The following DAB1 variants were observed in gnomAD, a reference collection of about 807,000 sequenced individuals.
DAB1 encodes DAB adaptor protein 1, also known as disabled homolog 1.
In DAB1, 15 loss-of-function variants were observed where a neutral mutation model predicts 64.6. That is an observed-to-expected ratio of 0.23 (90% CI 0.16 to 0.36). The LOEUF (loss-of-function observed/expected upper bound fraction) is 0.36. DAB1 is among the 10% of genes least tolerant of loss of function. The probability of loss-of-function intolerance (pLI) is 1.00; values close to 1 mark genes in which losing one functional copy is unlikely to be tolerated. For synonymous variants in DAB1, 235 were observed against 251.9 expected (o/e 0.93, Z 0.64); for missense variants, 596 against 706.7 (o/e 0.84, Z 1.78).
chr1:58,424,288 C>T (rs1206188449), intron 3 of DAB1, among the ~76,000 whole-genome samples: 1 of 152,180 alleles, frequency 6.6e-6, no homozygotes, highest in Non-Finnish European at 1.5e-5. Context: ...TGAGGCCCAC[C>T]CACAGTAAGG....
chr1:58,056,243 G>T, intron 5 of DAB1: 2 of 1,400,772 alleles, frequency 1.4e-6, no homozygotes, highest in Non-Finnish European at 2.0e-6. Flanking sequence ...ACTTTGCTGT[G>T]AATTGCACAA....
intron 6 of DAB1, among the ~76,000 whole-genome samples, chr1:57,650,951 G>A (rs535110212): frequency 7.9e-5 from 12 of 152,116 alleles, no homozygotes; most frequent in Non-Finnish European, 1.5e-4. Flanking sequence ...TTCCATCAAT[G>A]TTTGCTGCCT....
chr1:57,014,422 A>G (rs1646359229), intron 12 of DAB1, among the ~76,000 whole-genome samples: 1 of 152,238 alleles, frequency 6.6e-6, no homozygotes, highest in African/African-American at 2.4e-5. Context: ...CCAAATTTTT[A>G]AAGTTTGCAT....
At chr1:57,970,153 T>C (rs1348232586) in intron 5 of DAB1, among the ~76,000 whole-genome samples, 1 of 152,168 alleles carries the variant, frequency 6.6e-6, no homozygotes, top group Non-Finnish European at 1.5e-5. Context: ...CCAGCCTCCA[T>C]AACTATGAGA....
chr1:57,756,273 T>G (rs181182792), intron 6 of DAB1, among the ~76,000 whole-genome samples: 1 of 152,230 alleles, frequency 6.6e-6, no homozygotes, highest in Non-Finnish European at 1.5e-5. Context: ...ACAACTCAAC[T>G]TGCAAATTAA....
At chr1:57,388,702 C>G (rs1487968619) in intron 1 of DAB1, among the ~76,000 whole-genome samples, 1 of 152,176 alleles carries the variant, frequency 6.6e-6, no homozygotes, top group South Asian at 2.1e-4. Flanking sequence ...CAAAGACAGA[C>G]CTTTTGGAAG....
chr1:57,079,237 A>T (rs1652258626), intron 4 of DAB1, among the ~76,000 whole-genome samples: 1 of 152,108 alleles, frequency 6.6e-6, no homozygotes, highest in Non-Finnish European at 1.5e-5. Context: ...GTTTAATAAG[A>T]TGGTTTTTTC....
chr1:57,883,059 C>A (rs1345001193), intron 1 of DAB1, among the ~76,000 whole-genome samples: 1 of 152,134 alleles, frequency 6.6e-6, no homozygotes, highest in Non-Finnish European at 1.5e-5. Context: ...ACTTCCATTG[C>A]AACTCCAAAT....
intron 11 of DAB1, among the ~76,000 whole-genome samples, chr1:57,015,782 TC>T: frequency 6.6e-6 from 1 of 152,346 alleles, no homozygotes; most frequent in East Asian, 1.9e-4. Flanking sequence ...CTGGGTTTTC[TC>T]CTTGCCTCCT....
chr1:57,250,836 C>T (rs1333521147), intron 2 of DAB1, among the ~76,000 whole-genome samples: 1 of 152,188 alleles, frequency 6.6e-6, no homozygotes, highest in East Asian at 1.9e-4. Context: ...GCTACTTTTA[C>T]TTCTCATTAT....
At chr1:57,468,413 G>T (rs953850692) in intron 7 of DAB1, among the ~76,000 whole-genome samples, 6 of 152,118 alleles carry the variant, frequency 3.9e-5, no homozygotes, top group African/African-American at 1.4e-4. Flanking sequence ...ATTTTAGAAT[G>T]GTAAATGTAT....
intron 5 of DAB1, among the ~76,000 whole-genome samples, chr1:58,003,822 C>T (rs1239530257): frequency 1.3e-5 from 2 of 152,218 alleles, no homozygotes; most frequent in Admixed American, 1.3e-4. Context: ...ACTGACACGG[C>T]CCCTTCTCAG....
chr1:57,722,034 C>T (rs1435929474), intron 6 of DAB1, among the ~76,000 whole-genome samples: 1 of 152,176 alleles, frequency 6.6e-6, no homozygotes, highest in African/African-American at 2.4e-5. Flanking sequence ...TCTCTCCAAA[C>T]CAGGTCAGTG....
At chr1:58,463,357 T>C (rs1645262621) in intron 3 of DAB1, among the ~76,000 whole-genome samples, 1 of 152,098 alleles carries the variant, frequency 6.6e-6, no homozygotes. Context: ...CCAGACAACT[T>C]GACAAGGGAA....
At chr1:57,263,350 C>T (rs1186714167) in intron 2 of DAB1, among the ~76,000 whole-genome samples, 1 of 152,094 alleles carries the variant, frequency 6.6e-6, no homozygotes, top group Non-Finnish European at 1.5e-5. Flanking sequence ...GAACTCCTGA[C>T]CTCAGGTGAT....
At chr1:57,309,863 A>G (rs978907541) in intron 1 of DAB1, among the ~76,000 whole-genome samples, 3 of 152,250 alleles carry the variant, frequency 2.0e-5, no homozygotes, top group East Asian at 1.9e-4. Flanking sequence ...TGAGATCACA[A>G]TTAGTGACTT....
chr1:57,636,904 A>G (rs1646063590), intron 7 of DAB1, among the ~76,000 whole-genome samples: 1 of 152,196 alleles, frequency 6.6e-6, no homozygotes, highest in Non-Finnish European at 1.5e-5. Flanking sequence ...ATGGATGGAT[A>G]ATATAAATAT....
intron 5 of DAB1, among the ~76,000 whole-genome samples, chr1:57,913,819 A>G: frequency 6.6e-6 from 1 of 152,128 alleles, no homozygotes; most frequent in Non-Finnish European, 1.5e-5. Flanking sequence ...GAAGACATTT[A>G]TGCAGTCAAA....
intron 4 of DAB1, among the ~76,000 whole-genome samples, chr1:57,107,630 A>G (rs534449542): frequency 6.6e-6 from 1 of 152,268 alleles, no homozygotes; most frequent in East Asian, 1.9e-4. Context: ...CCAACAGCCC[A>G]TGGAATATAA....
Sources: allele counts gnomAD v4.1 joint callset (sites outside exome capture counted in the v4.1 genomes callset), GRCh38; gene constraint gnomAD v4.1.1; transcripts MANE v1.5; gene names NCBI Gene and HGNC (gene_info 2026-07-23, HGNC 2026-07-21).